The following POFUT3 variants were observed in gnomAD, a reference collection of about 807,000 sequenced individuals.
POFUT3 encodes the protein GDP-fucose protein O-fucosyltransferase 3.
At chr8:33,352,849 C>T in the POFUT3 span, among the ~76,000 whole-genome samples, 1 of 152,172 alleles carries the variant, frequency 6.6e-6, no homozygotes, top group East Asian at 1.9e-4. Flanking sequence ...TCAGATTACC[C>T]TGGGACCACC....
chr8:33,361,833 T>A, the POFUT3 span, among the ~76,000 whole-genome samples: 1 of 152,182 alleles, frequency 6.6e-6, no homozygotes, highest in Non-Finnish European at 1.5e-5. Flanking sequence ...TGTTTCCCAA[T>A]TGAAAAACCA....
the POFUT3 span, among the ~76,000 whole-genome samples, chr8:33,464,901 A>G: frequency 6.6e-6 from 1 of 152,242 alleles, no homozygotes; most frequent in African/African-American, 2.4e-5. Flanking sequence ...CAGCTAGTAT[A>G]TCAGAGAAAA....
the POFUT3 span, among the ~76,000 whole-genome samples, chr8:33,457,047 G>T: frequency 6.6e-6 from 1 of 151,908 alleles, no homozygotes; most frequent in African/African-American, 2.4e-5. Flanking sequence ...GGGATTACAG[G>T]CCTAAGCCAC....
At chr8:33,311,966 T>C in the POFUT3 span, among the ~76,000 whole-genome samples, 2 of 152,084 alleles carry the variant, frequency 1.3e-5, no homozygotes, top group African/African-American at 2.4e-5. Context: ...CTGCTGTCTT[T>C]ACAAGAAGAG....
At chr8:33,451,122 T>A in the POFUT3 span, among the ~76,000 whole-genome samples, 1 of 151,162 alleles carries the variant, frequency 6.6e-6, no homozygotes, top group Non-Finnish European at 1.5e-5. Context: ...ACAGATTGAG[T>A]ATCTCTTAAC....
At chr8:33,425,172 CA>C in the POFUT3 span, among the ~76,000 whole-genome samples, 2 of 151,296 alleles carry the variant, frequency 1.3e-5, no homozygotes, top group Non-Finnish European at 3.0e-5. Flanking sequence ...ACAATGCCTA[CA>C]AAAAAATTTT....
At chr8:33,355,897 C>G in the POFUT3 span, among the ~76,000 whole-genome samples, 4 of 152,088 alleles carry the variant, frequency 2.6e-5, no homozygotes, top group Non-Finnish European at 5.9e-5. Context: ...GTTCAATTCC[C>G]ACCTATGAGT....
chr8:33,343,236 A>T, the POFUT3 span, among the ~76,000 whole-genome samples: 13 of 152,342 alleles, frequency 8.5e-5, no homozygotes, highest in South Asian at 2.1e-3. Flanking sequence ...ACAGGACCAG[A>T]TCTCTGTCCT....
chr8:33,456,562 G>A, the POFUT3 span, among the ~76,000 whole-genome samples: 21 of 151,668 alleles, frequency 1.4e-4, no homozygotes, highest in South Asian at 3.1e-3. Context: ...GTTTCATCAC[G>A]TTGGCCCAAA....
the POFUT3 span, chr8:33,436,505 T>G: frequency 8.1e-7 from 1 of 1,232,386 alleles, no homozygotes; most frequent in Non-Finnish European, 1.2e-6. Flanking sequence ...GCTTCCACAC[T>G]GATGTTTACC....
the POFUT3 span, among the ~76,000 whole-genome samples, chr8:33,320,031 T>C: frequency 2.0e-5 from 3 of 151,656 alleles, no homozygotes; most frequent in Non-Finnish European, 4.4e-5. Flanking sequence ...TATAGCTTTG[T>C]GTTTTCCATT....
chr8:33,342,293 G>A, the POFUT3 span, among the ~76,000 whole-genome samples: 1 of 152,082 alleles, frequency 6.6e-6, no homozygotes, highest in African/African-American at 2.4e-5. Flanking sequence ...GGAAGTTGAG[G>A]CTGCAGTGAG....
chr8:33,386,188 CAAAA>C, the POFUT3 span, among the ~76,000 whole-genome samples: 1,400 of 31,942 alleles, frequency 0.044, 21 homozygotes, highest in African/African-American at 0.099. Context: ...GGCTCCATCT[CAAAA>C]AAAAAAAAAA....
the POFUT3 span, among the ~76,000 whole-genome samples, chr8:33,320,030 G>T: frequency 6.6e-6 from 1 of 151,496 alleles, no homozygotes; most frequent in Non-Finnish European, 1.5e-5. Flanking sequence ...TTATAGCTTT[G>T]TGTTTTCCAT....
the POFUT3 span, among the ~76,000 whole-genome samples, chr8:33,412,113 G>C: frequency 0.3 from 46,082 of 152,046 alleles, 7,108 homozygotes; most frequent in South Asian, 0.44. Context: ...GTGTATTTAC[G>C]GAACACACAT....
chr8:33,354,671 G>A, the POFUT3 span, among the ~76,000 whole-genome samples: 2 of 152,098 alleles, frequency 1.3e-5, no homozygotes, highest in African/African-American at 4.8e-5. Flanking sequence ...CCAGCAACCT[G>A]AGCATCCCTT....
chr8:33,341,217 C>T, the POFUT3 span, among the ~76,000 whole-genome samples: 5 of 152,104 alleles, frequency 3.3e-5, no homozygotes, highest in African/African-American at 1.2e-4. Flanking sequence ...GGGCAGATCA[C>T]TTGAGGTCAG....
the POFUT3 span, among the ~76,000 whole-genome samples, chr8:33,324,038 T>C: frequency 6.6e-6 from 1 of 152,196 alleles, no homozygotes; most frequent in East Asian, 1.9e-4. Flanking sequence ...CCCTGCCCTA[T>C]ACAGGCATTC....
the POFUT3 span, chr8:33,436,605 G>T: frequency 1.1e-6 from 1 of 897,980 alleles, no homozygotes; most frequent in Non-Finnish European, 1.9e-6. Context: ...TCTTAATGAT[G>T]CCACATTCCA....
Sources: gnomAD v4.1 joint callset for allele counts (sites outside exome capture counted in the v4.1 genomes callset) on GRCh38, gnomAD v4.1.1 for gene constraint, MANE v1.5 for transcripts, NCBI Gene and HGNC (gene_info 2026-07-23, HGNC 2026-07-21) for gene names.